BLTP2: variants seen among roughly 807,000 people sequenced by gnomAD.
BLTP2 encodes the protein U937-associated antigen.
chr17:28,620,753 A>G, the BLTP2 span: 2 of 1,127,952 alleles, frequency 1.8e-6, no homozygotes, highest in Non-Finnish European at 2.6e-6. Context: ...AGAGTTGCTC[A>G]TGGGCAGAAA....
the BLTP2 span, chr17:28,644,158 C>T: frequency 6.2e-7 from 1 of 1,613,984 alleles, no homozygotes; most frequent in Non-Finnish European, 8.5e-7. Context: ...CCGCTGACAC[C>T]ACTTGGTGGC....
the BLTP2 span, among the ~76,000 whole-genome samples, chr17:28,632,765 A>G: frequency 6.6e-6 from 1 of 152,192 alleles, no homozygotes; most frequent in East Asian, 1.9e-4. Context: ...GCAGCCAAAA[A>G]GGACTAAGAC....
the BLTP2 span, chr17:28,639,718 C>A: frequency 6.8e-7 from 1 of 1,462,904 alleles, no homozygotes; most frequent in Non-Finnish European, 9.6e-7. Flanking sequence ...GGTCAGAAGC[C>A]GGCAAAGGGA....
At chr17:28,643,133 C>T in the BLTP2 span, 3 of 1,613,332 alleles carry the variant, frequency 1.9e-6, no homozygotes, top group Non-Finnish European at 1.7e-6. Context: ...TGCCAAAGTA[C>T]AGTCCAGGAT....
At chr17:28,634,385 C>A in the BLTP2 span, 1 of 840,728 alleles carries the variant, frequency 1.2e-6, no homozygotes, top group Non-Finnish European at 1.9e-6. Context: ...GGAAGGGAAG[C>A]CCACCCATCC....
chr17:28,616,971 T>C, the BLTP2 span: 1 of 1,613,754 alleles, frequency 6.2e-7, no homozygotes, highest in Non-Finnish European at 8.5e-7. This position sits in a 1 kb window ranked among gnomAD's most constrained non-coding sequence, Gnocchi z 4.8. Context: ...TCGCCCAGAC[T>C]GGCAGGAGCT....
At chr17:28,633,627 C>T in the BLTP2 span, 1 of 1,614,034 alleles carries the variant, frequency 6.2e-7, no homozygotes, top group Non-Finnish European at 8.5e-7. Context: ...GGCTCTTGTC[C>T]CACCAGGGCA....
At chr17:28,616,729 G>A in the BLTP2 span, 1 of 1,614,072 alleles carries the variant, frequency 6.2e-7, no homozygotes, top group African/African-American at 1.3e-5. This position sits in a 1 kb window ranked among gnomAD's most constrained non-coding sequence, Gnocchi z 4.8. Flanking sequence ...TGTGTCAGCT[G>A]GATGGTGAGA....
chr17:28,634,488 G>A, the BLTP2 span: 441 of 1,590,008 alleles, frequency 2.8e-4, 3 homozygotes, highest in African/African-American at 5.0e-3. Flanking sequence ...GCAAACACGG[G>A]GTCTGCAAAT....
the BLTP2 span, chr17:28,644,862 T>G: frequency 1.8e-5 from 7 of 385,202 alleles, no homozygotes; most frequent in Middle Eastern, 7.6e-4. Flanking sequence ...GCCCCCTCCC[T>G]CCACCCTACC....
the BLTP2 span, chr17:28,640,763 T>A: frequency 2.0e-5 from 27 of 1,376,026 alleles, no homozygotes; most frequent in Non-Finnish European, 2.8e-5. Context: ...GCCTCTATGG[T>A]CAAATCCTCC....
the BLTP2 span, chr17:28,623,681 C>T: frequency 8.4e-7 from 1 of 1,188,542 alleles, no homozygotes; most frequent in Non-Finnish European, 1.2e-6. Context: ...CAGCAGGTTA[C>T]TGTCAAGAAT....
the BLTP2 span, chr17:28,620,661 C>A: frequency 9.3e-6 from 15 of 1,609,914 alleles, no homozygotes; most frequent in Non-Finnish European, 8.5e-7. Flanking sequence ...AAATAAAAGG[C>A]TCAAGTTTCT....
the BLTP2 span, among the ~76,000 whole-genome samples, chr17:28,641,626 G>T: frequency 6.6e-6 from 1 of 150,466 alleles, no homozygotes; most frequent in African/African-American, 2.5e-5. Context: ...GGGTGACAGA[G>T]CAAGACTCCA....
chr17:28,638,275 C>T, the BLTP2 span: 1 of 1,612,646 alleles, frequency 6.2e-7, no homozygotes, highest in African/African-American at 1.3e-5. Context: ...GAGTCCAGAA[C>T]AAGTGCCTCA....
chr17:28,622,412 T>C, the BLTP2 span, among the ~76,000 whole-genome samples: 86 of 152,150 alleles, frequency 5.7e-4, 1 homozygote, highest in South Asian at 6.2e-3. Context: ...AAAAGAAGCA[T>C]CAGCCAGGGA....
chr17:28,642,978 T>C, the BLTP2 span: 1 of 1,588,480 alleles, frequency 6.3e-7, no homozygotes, highest in Non-Finnish European at 8.6e-7. Context: ...TCTACATGAA[T>C]GGAGAATAGC....
the BLTP2 span, chr17:28,618,921 T>C: frequency 6.2e-7 from 1 of 1,614,028 alleles, no homozygotes; most frequent in Non-Finnish European, 8.5e-7. Flanking sequence ...TTCTTGCTGC[T>C]TTCGCAGCTC....
the BLTP2 span, chr17:28,631,950 G>A: frequency 1.2e-6 from 2 of 1,611,620 alleles, no homozygotes; most frequent in Non-Finnish European, 1.7e-6. Flanking sequence ...CATTAACAAA[G>A]GATGGCATGA....
Sources: allele counts gnomAD v4.1 joint callset (sites outside exome capture counted in the v4.1 genomes callset), GRCh38; gene constraint gnomAD v4.1.1; non-coding constraint Gnocchi (gnomAD v3.1); transcripts MANE v1.5; gene names NCBI Gene and HGNC (gene_info 2026-07-23, HGNC 2026-07-21).